Variants in SSH2 observed in about 807,000 individuals in gnomAD.
SSH2 encodes slingshot protein phosphatase 2.
In SSH2, 37 loss-of-function variants were observed where a neutral mutation model predicts 135.2. The ratio of observed to expected loss-of-function variants is 0.27; its 90% CI spans 0.21 to 0.36. SSH2 has a LOEUF of 0.36. Ranked by LOEUF, SSH2 falls within the 10% of genes least tolerant of loss-of-function variation. SSH2 has a pLI of 1.00. For missense variants in SSH2, 1,408 were observed against 1,765.3 expected, an observed-to-expected ratio of 0.80 and a Z score of 3.63; for synonymous variants, 628 against 646.2, an observed-to-expected ratio of 0.97 and a Z score of 0.43.
In SSH2 at chr17:29,631,949, G is replaced by A. The variant is rs925159802; in HGVS notation, c.3245C>T (p.Thr1082Ile). ...AGTCCTGTTTAGATTTTCATCCAGT[G>A]TGCAGAGCACAGTGACAGATTTTTC... ...NMEKSVTVLCTLDENLNRTLD... is the reference protein window; with the variant it reads ...NMEKSVTVLCILDENLNRTLD... The change falls in exon 16 of 16, where the codon ACA (threonine) becomes ATA (isoleucine). Residue 1082 changes from threonine (T) to isoleucine (I), a missense_variant. This residue lies in a region of SSH2 where 1,080 missense variants were observed against 1,144.5 expected (regional missense o/e 0.94). Coordinates refer to ENST00000540801, the MANE Select transcript of SSH2 (RefSeq NM_001282129.2). 6.8e-6 allele frequency: 11 copies of A among 1,614,110 alleles called. No individual in the cohort carries two copies. The highest frequency in any genetic ancestry group is 1.1e-5 in the South Asian group (1 of 91,096).
intron 2 of SSH2, among the ~76,000 whole-genome samples, chr17:29,841,820 G>A (rs2151379387): frequency 6.6e-6 from 1 of 152,016 alleles, no homozygotes; most frequent in South Asian, 2.1e-4. Flanking sequence ...TCAACCTTCT[G>A]GGCTCAAGTG....
chr17:29,790,701 T>C (rs1488997288), intron 3 of SSH2, among the ~76,000 whole-genome samples: 1 of 152,134 alleles, frequency 6.6e-6, no homozygotes, highest in Non-Finnish European at 1.5e-5. Context: ...AACAAAGCCA[T>C]CATAGTTTGG....
intron 1 of SSH2, chr17:29,856,247 C>A: frequency 3.3e-6 from 1 of 302,352 alleles, no homozygotes; most frequent in South Asian, 3.0e-5. Flanking sequence ...TAGCAATCCA[C>A]AACAGTTAAA....
Position 29,857,354 on chromosome 17 carries a change from G to C in SSH2, c.64-8425C>G, listed in dbSNP as rs111742761. Among the ~76,000 whole-genome samples the C allele has an allele frequency of 9.1e-4, 139 of 152,262 alleles. 2 individuals are homozygous for C. Among genetic ancestry groups the C allele is most frequent in the Middle Eastern group, 3.4e-3 (1 of 294 alleles). On this transcript the variant is annotated intron_variant, in intron 1 of 15. Transcript: ENST00000540801. ...TCTTTAAAACCATCAGATCTCAGGA[G>C]ACTTATTCACTATCATGAGAACAGC... is the stretch of plus-strand genomic sequence containing the variant.
intron 1 of SSH2, among the ~76,000 whole-genome samples, chr17:29,873,591 A>G (rs559904928): frequency 6.6e-6 from 1 of 152,246 alleles, no homozygotes; most frequent in African/African-American, 2.4e-5. Context: ...AACACATGGA[A>G]CAAACATATG....
chr17:29,860,275 T>G (rs945277213), intron 1 of SSH2, among the ~76,000 whole-genome samples: 1 of 152,200 alleles, frequency 6.6e-6, no homozygotes, highest in Non-Finnish European at 1.5e-5. Context: ...TTTGTTATTT[T>G]TTGACTTTTA....
chr17:29,671,295 T>C (rs955258723), intron 9 of SSH2, among the ~76,000 whole-genome samples: 2 of 152,012 alleles, frequency 1.3e-5, no homozygotes, highest in Admixed American at 6.6e-5. Context: ...CTGGGCAACA[T>C]AGTGAGACCC....
chr17:29,756,354 T>A (rs1394752610), intron 3 of SSH2, among the ~76,000 whole-genome samples: 3 of 151,136 alleles, frequency 2.0e-5, no homozygotes. Flanking sequence ...CACTGTAACC[T>A]CGGATTCCTA....
At chr17:29,633,511 G>C (rs1229856403) in intron 15 of SSH2, among the ~76,000 whole-genome samples, 2 of 152,144 alleles carry the variant, frequency 1.3e-5, no homozygotes, top group Non-Finnish European at 1.5e-5. Context: ...TCCTCTCACT[G>C]CTTCCCCTAG....
At chr17:29,724,581 C>CTTT (rs560435177) in intron 3 of SSH2, among the ~76,000 whole-genome samples, 4 of 76,548 alleles carry the variant, frequency 5.2e-5, no homozygotes, top group Non-Finnish European at 6.7e-5. Flanking sequence ...ATTACCAAAT[C>CTTT]TTTTTTTTTT....
At chr17:29,674,120 T>C (rs769042001) in intron 8 of SSH2, 85 of 456,712 alleles carry the variant, frequency 1.9e-4, no homozygotes, top group South Asian at 1.1e-3. Context: ...CTTCCACCAA[T>C]AGTACATCAC....
rs2037880935 is a variant in SSH2, at chr17:29,679,565, C to T, written c.480-1824G>A. 2.6e-5 allele frequency among the ~76,000 whole-genome samples: 4 copies of T among 152,200 alleles called. No homozygotes were observed. The South Asian group carries it at 8.3e-4, about 32-fold the overall frequency. On this transcript the variant is annotated intron_variant, in intron 6 of 15. Transcript: ENST00000540801. ...GGGATTACAGGCATGCACTACCACG[C>T]CCAGCTAATTTTGTATTTTTAGTAG... is the stretch of plus-strand genomic sequence containing the variant.
intron 2 of SSH2, among the ~76,000 whole-genome samples, chr17:29,847,852 C>T (rs533821835): frequency 6.6e-6 from 1 of 152,172 alleles, no homozygotes; most frequent in Non-Finnish European, 1.5e-5. Flanking sequence ...TGCCCCTTTC[C>T]TAGAAAGTTC....
intron 14 of SSH2, among the ~76,000 whole-genome samples, chr17:29,638,539 CACACACACACACACACACACACAG>C (rs1167142939): frequency 6.6e-6 from 1 of 150,672 alleles, no homozygotes; most frequent in Admixed American, 6.6e-5. Flanking sequence ...CACACACACA[CACACACACACACACACACACACAG>C]AGACAGGGTA....
At chr17:29,655,253 G>A (rs569617187) in intron 12 of SSH2, among the ~76,000 whole-genome samples, 2 of 152,018 alleles carry the variant, frequency 1.3e-5, no homozygotes, top group Non-Finnish European at 2.9e-5. Flanking sequence ...ACAGGCGCCC[G>A]CCACCATGCC....
chr17:29,766,089 TATTATTATC>T (rs1319088409), intron 3 of SSH2, among the ~76,000 whole-genome samples: 4 of 120,902 alleles, frequency 3.3e-5, no homozygotes, highest in African/African-American at 8.7e-5. Flanking sequence ...AATTTATTAT[TATTATTATC>T]ATCATCATCA....
At chr17:29,686,134 C>A (rs780489069) in intron 5 of SSH2, among the ~76,000 whole-genome samples, 29 of 151,994 alleles carry the variant, frequency 1.9e-4, no homozygotes, top group Non-Finnish European at 3.7e-4. Context: ...CAGGCGTGAG[C>A]CACCGCGCCC....
intron 3 of SSH2, among the ~76,000 whole-genome samples, chr17:29,793,201 T>G (rs1173407392): frequency 1.3e-5 from 2 of 152,080 alleles, no homozygotes; most frequent in African/African-American, 2.4e-5. Context: ...ACTTCCTAGA[T>G]TTCTCTCACA....
At chr17:29,814,916 G>A (rs1475970231) in intron 2 of SSH2, among the ~76,000 whole-genome samples, 1 of 150,914 alleles carries the variant, frequency 6.6e-6, no homozygotes, top group Non-Finnish European at 1.5e-5. Context: ...ATTAGGGATG[G>A]GGAAAATGTA....
Sources: allele counts gnomAD v4.1 joint callset (sites outside exome capture counted in the v4.1 genomes callset), GRCh38; gene constraint gnomAD v4.1.1; regional missense constraint gnomAD v4.1.1; transcripts MANE v1.5; gene names NCBI Gene and HGNC (gene_info 2026-07-23, HGNC 2026-07-21).